The following ELAPOR2 variants were observed in gnomAD, a reference collection of about 807,000 sequenced individuals.
ELAPOR2 encodes the protein endosome/lysosome-associated apoptosis and autophagy regulator family member 2.
In ELAPOR2, 89 loss-of-function variants were observed where a neutral mutation model predicts 120.7. That is an observed-to-expected ratio of 0.74 (90% CI 0.62 to 0.88). ELAPOR2 has a LOEUF of 0.88. ELAPOR2 is among the 40% of genes least tolerant of loss of function. The pLI is 0.00. For synonymous variants in ELAPOR2, 444 were observed against 444.9 expected (o/e 1.00, Z 0.03); for missense variants, 1,134 against 1,251.6 (o/e 0.91, Z 1.42).
intron 18 of ELAPOR2, among the ~76,000 whole-genome samples, chr7:86,900,344 C>G (rs1027275508): frequency 6.6e-6 from 1 of 152,184 alleles, no homozygotes; most frequent in Non-Finnish European, 1.5e-5. Context: ...TGACTTAACT[C>G]CTTCTTTCCC....
chr7:87,010,719 T>C (rs1793627742), intron 1 of ELAPOR2, among the ~76,000 whole-genome samples: 1 of 152,076 alleles, frequency 6.6e-6, no homozygotes, highest in African/African-American at 2.4e-5. Context: ...GTTAAGACAA[T>C]ACCTGCACTG....
At chr7:87,026,123 G>C (rs1480200212) in intron 1 of ELAPOR2, among the ~76,000 whole-genome samples, 1 of 152,000 alleles carries the variant, frequency 6.6e-6, no homozygotes, top group Non-Finnish European at 1.5e-5. Flanking sequence ...TGCCTTTCCA[G>C]AATAGCTGAA....
At chr7:86,963,123 G>GAAGTATTATCAGAA (rs2116473747) in intron 2 of ELAPOR2, among the ~76,000 whole-genome samples, 1 of 152,248 alleles carries the variant, frequency 6.6e-6, no homozygotes, top group East Asian at 1.9e-4. Flanking sequence ...TATTATTTTT[G>GAAGTATTATCAGAA]AAGTATTATC....
intron 15 of ELAPOR2, among the ~76,000 whole-genome samples, chr7:86,910,914 C>T (rs956415146): frequency 2.0e-5 from 3 of 151,980 alleles, no homozygotes; most frequent in Non-Finnish European, 4.4e-5. Context: ...TAGGCCTTCT[C>T]ACCAGTATAT....
At chr7:86,882,246 A>C (rs1475461045) in intron 21 of ELAPOR2, among the ~76,000 whole-genome samples, 1 of 152,150 alleles carries the variant, frequency 6.6e-6, no homozygotes, top group South Asian at 2.1e-4. Flanking sequence ...GACTTTAGGG[A>C]TACAAAAATG....
At chr7:86,924,979 A>C (rs2116218086) in intron 10 of ELAPOR2, among the ~76,000 whole-genome samples, 1 of 152,190 alleles carries the variant, frequency 6.6e-6, no homozygotes, top group Middle Eastern at 3.4e-3. Flanking sequence ...AGAACAAGTA[A>C]ATTCCAAGCC....
chr7:86,972,699 G>GCCA (rs1792145464), intron 1 of ELAPOR2, among the ~76,000 whole-genome samples: 1 of 149,762 alleles, frequency 6.7e-6, no homozygotes, highest in African/African-American at 2.5e-5. Flanking sequence ...CCCAAGTCAA[G>GCCA]CTACCTCCAA....
At chr7:87,040,822 G>C (rs553141639) in intron 1 of ELAPOR2, among the ~76,000 whole-genome samples, 1 of 152,256 alleles carries the variant, frequency 6.6e-6, no homozygotes, top group East Asian at 1.9e-4. Flanking sequence ...TCTGAGCTAC[G>C]GGAGGACATT....
intron 1 of ELAPOR2, among the ~76,000 whole-genome samples, chr7:87,051,999 T>C (rs889628842): frequency 1.3e-5 from 2 of 152,244 alleles, no homozygotes; most frequent in African/African-American, 4.8e-5. Flanking sequence ...GAGTACTTCA[T>C]GGTAATGAGA....
chr7:86,964,909 T>G lies in ELAPOR2; in HGVS notation c.305A>C (p.Glu102Ala). 6.4e-7 allele frequency: 1 copy of G among 1,551,494 alleles called. No individual in the cohort carries two copies. The highest frequency in any genetic ancestry group is 8.7e-7 in the Non-Finnish European group (1 of 1,146,830). The change falls in exon 2 of 22, where the codon GAA (glutamate) becomes GCA (alanine). Residue 102 changes from glutamate (E) to alanine (A), a missense_variant. Glu to Ala is a moderately radical substitution (Grantham distance 107). Around this residue, in one of 3 missense-constraint regions of ELAPOR2, gnomAD observed 280 missense variants for 331.5 expected, o/e 0.84. Transcript: ENST00000450689. ...GTCAAAATGACAAAACATACTGCAT[T>G]CTTTGCCTCTCACTGGGTCAGGCAG... ...SGLPDPVRGK[E>A]CTFSCASGEY...
chr7:86,992,733 A>C (rs1473602707), intron 1 of ELAPOR2, among the ~76,000 whole-genome samples: 5 of 152,180 alleles, frequency 3.3e-5, no homozygotes, highest in Non-Finnish European at 7.3e-5. Flanking sequence ...TGAAAAGGTG[A>C]ATTTATTTCT....
intron 1 of ELAPOR2, among the ~76,000 whole-genome samples, chr7:87,044,600 A>G (rs1021960965): frequency 6.6e-6 from 1 of 151,512 alleles, no homozygotes; most frequent in East Asian, 1.9e-4. Context: ...TTATACAAAA[A>G]TCAATTCAAG....
chr7:86,970,795 T>C (rs940534179), intron 1 of ELAPOR2, among the ~76,000 whole-genome samples: 2 of 152,194 alleles, frequency 1.3e-5, no homozygotes, highest in Non-Finnish European at 2.9e-5. Context: ...ATCTGATCTA[T>C]TTATGACACA....
intron 7 of ELAPOR2, 30 bp from the exon 8 acceptor site, chr7:86,938,244 G>A (rs1045539468): frequency 3.3e-6 from 5 of 1,498,328 alleles, no homozygotes; most frequent in Non-Finnish European, 4.5e-6. Flanking sequence ...TTTCAGAAAT[G>A]GGTCAATTAT....
At chr7:86,998,708 A>G (rs1264392009) in intron 1 of ELAPOR2, among the ~76,000 whole-genome samples, 1 of 152,208 alleles carries the variant, frequency 6.6e-6, no homozygotes, top group Non-Finnish European at 1.5e-5. Context: ...GACCTATTCA[A>G]CTAGTTCACT....
chr7:86,954,862 T>C (rs538888552), intron 2 of ELAPOR2, among the ~76,000 whole-genome samples: 122 of 152,232 alleles, frequency 8.0e-4, no homozygotes, highest in Middle Eastern at 3.4e-3. Context: ...GTTCAAACCA[T>C]AGACATTCTT....
rs544561913 is a variant in ELAPOR2, at chr7:86,882,815, G to A, written c.3031-2285C>T. On this transcript the variant is annotated intron_variant, in intron 21 of 21. Transcript: ENST00000450689. ...CCCTTTGGACAAATAAGTGAACCTCGCGAGGTCTCAATTTACTCATGTATT... is the reference window on the plus strand; with the variant it reads ...CCCTTTGGACAAATAAGTGAACCTCACGAGGTCTCAATTTACTCATGTATT... 5.3e-5 allele frequency among the ~76,000 whole-genome samples: 8 copies of A among 152,112 alleles called. 2 individuals are homozygous for A. Among genetic ancestry groups the A allele is most frequent in the African/African-American group, 1.4e-4 (6 of 41,484 alleles).
chr7:86,991,119 T>C (rs2116596949), intron 1 of ELAPOR2, among the ~76,000 whole-genome samples: 1 of 152,314 alleles, frequency 6.6e-6, no homozygotes, highest in East Asian at 1.9e-4. Context: ...CCATCACATA[T>C]AATAACAAGC....
intron 1 of ELAPOR2, among the ~76,000 whole-genome samples, chr7:86,993,246 A>AAAAAAAAAAAAAAAAAAAG (rs796528835): frequency 6.9e-6 from 1 of 143,990 alleles, no homozygotes; most frequent in Admixed American, 7.0e-5. Flanking sequence ...AAAAAAAAAA[A>AAAAAAAAAAAAAAAAAAAG]AAAAGAAAAA....
Sources: allele counts gnomAD v4.1 joint callset (sites outside exome capture counted in the v4.1 genomes callset), GRCh38; gene constraint gnomAD v4.1.1; regional missense constraint gnomAD v4.1.1; transcripts MANE v1.5; gene names NCBI Gene and HGNC (gene_info 2026-07-23, HGNC 2026-07-21).